The following ANXA6 variants were observed in gnomAD, a reference collection of about 807,000 sequenced individuals.
The protein encoded by ANXA6 is 67 kDa calelectrin.
ANXA6 carries 71 observed loss-of-function variants against 95.4 expected under a neutral mutation model. The ratio of observed to expected loss-of-function variants is 0.74; its 90% confidence interval spans 0.61 to 0.91. ANXA6 has a LOEUF of 0.91. Among genes scored for constraint, ANXA6 ranks in the 40% least tolerant of loss-of-function variants. The pLI, the probability that ANXA6 is intolerant of heterozygous loss-of-function variation, is 0.00. For missense variants in ANXA6, 830 were observed against 876.4 expected (o/e 0.95, Z 0.67); for synonymous variants, 289 against 315.9 (o/e 0.91, Z 0.90).
chr5:151,108,599 G>C, intron 22 of ANXA6, 49 bp from the exon 23 acceptor site: 2 of 1,542,778 alleles, frequency 1.3e-6, no homozygotes, highest in Non-Finnish European at 1.8e-6. Context: ...CAGTGCAGGA[G>C]GCGGAGGACC....
Position 151,112,131 on chromosome 5 carries a change from T to C in ANXA6, c.1573-1487A>G, listed in dbSNP as rs561354944. Among the ~76,000 whole-genome samples the C allele has an allele frequency of 2.0e-5, 3 of 152,114 alleles. No individual in the cohort carries two copies. In the East Asian group the frequency reaches 5.8e-4, roughly 29 times the overall value. On this transcript the variant is annotated intron_variant, in intron 20 of 25. Coordinates refer to ENST00000354546, the MANE Select transcript of ANXA6 (RefSeq NM_001155.5). ...AGAAAAACTGTAAACCATCCTGAGATTGACTTGTTAAACAGGCTATGACTT... is the reference window on the plus strand; with the variant it reads ...AGAAAAACTGTAAACCATCCTGAGACTGACTTGTTAAACAGGCTATGACTT...
chr5:151,148,010 T>C, intron 1 of ANXA6, 84 bp from the exon 2 acceptor site: 1 of 1,355,374 alleles, frequency 7.4e-7, no homozygotes, highest in Non-Finnish European at 1.0e-6. Flanking sequence ...CCCTCTGCTG[T>C]TTTCCAGCTG....
intron 21 of ANXA6, 21 bp downstream of exon 21, chr5:151,110,606 A>G (rs769345239): frequency 8.7e-6 from 14 of 1,612,376 alleles, no homozygotes; most frequent in East Asian, 4.5e-5. Flanking sequence ...TTAAAACCCA[A>G]ATGAAGAACA....
chr5:151,132,650 G>T, intron 9 of ANXA6, 79 bp from the exon 10 acceptor site: 3 of 1,221,220 alleles, frequency 2.5e-6, no homozygotes, highest in South Asian at 2.6e-5. Context: ...AAGAGCAGGG[G>T]GGCACAGTGG....
At chr5:151,140,766 C>T (rs935757421) in intron 2 of ANXA6, among the ~76,000 whole-genome samples, 3 of 152,140 alleles carry the variant, frequency 2.0e-5, no homozygotes, top group Non-Finnish European at 4.4e-5. Flanking sequence ...TTTACACTTT[C>T]ACCTCTGTGA....
At chr5:151,115,462 G>C (rs1302971590) in intron 20 of ANXA6, among the ~76,000 whole-genome samples, 1 of 152,144 alleles carries the variant, frequency 6.6e-6, no homozygotes, top group African/African-American at 2.4e-5. Flanking sequence ...CTTTTGCGAA[G>C]CAGCTGTCAG....
intron 25 of ANXA6, 57 bp downstream of exon 25, chr5:151,103,513 T>C: frequency 5.2e-6 from 8 of 1,550,830 alleles, no homozygotes; most frequent in Non-Finnish European, 7.0e-6. Flanking sequence ...CTTCTAATCT[T>C]ATATTAGGGA....
chr5:151,154,326 T>C (rs1766181334), intron 1 of ANXA6, among the ~76,000 whole-genome samples: 1 of 106,528 alleles, frequency 9.4e-6, no homozygotes, highest in African/African-American at 3.5e-5. Context: ...TATATATATA[T>C]ATATATTGAT....
At chr5:151,125,530 G>A (rs576110974) in intron 14 of ANXA6, among the ~76,000 whole-genome samples, 3 of 152,156 alleles carry the variant, frequency 2.0e-5, no homozygotes, top group East Asian at 1.9e-4. Flanking sequence ...AACTTAAAGC[G>A]AGCTCTCTCA....
At chr5:151,137,133 G>A (rs2113940364) in intron 6 of ANXA6, 98 bp downstream of exon 6, 1 of 996,702 alleles carries the variant, frequency 1.0e-6, no homozygotes, top group Non-Finnish European at 1.5e-6. Flanking sequence ...AGGAAAGGAG[G>A]AGAGAAGGTA....
intron 12 of ANXA6, chr5:151,128,480 T>C: frequency 2.0e-6 from 1 of 488,920 alleles, no homozygotes. Context: ...CAATGGACAA[T>C]TTCAAGTTAC....
intron 25 of ANXA6, 102 bp from the exon 26 acceptor site, chr5:151,101,609 T>C (rs1208773443): frequency 2.0e-6 from 2 of 1,010,872 alleles, no homozygotes; most frequent in Non-Finnish European, 3.1e-6. Flanking sequence ...TCGGCTTCTC[T>C]CCATGACCAA....
intron 1 of ANXA6, 91 bp from the exon 2 acceptor site, chr5:151,148,017 G>A (rs1013926305): frequency 4.7e-6 from 6 of 1,276,526 alleles, no homozygotes; most frequent in Admixed American, 2.0e-5. Flanking sequence ...CTGTTTTCCA[G>A]CTGCCCCCAG....
At chr5:151,147,857 C>T (rs1267752000) in intron 2 of ANXA6, 27 bp downstream of exon 2, 4 of 1,590,634 alleles carry the variant, frequency 2.5e-6, no homozygotes, top group Middle Eastern at 1.7e-4. Context: ...GGCTGAGTAC[C>T]ACCTTCAGGA....
chr5:151,132,689 G>T, intron 9 of ANXA6, 118 bp from the exon 10 acceptor site: 1 of 815,814 alleles, frequency 1.2e-6, no homozygotes. Flanking sequence ...ATGAAGCTAG[G>T]GCTGGTGCTA....
At chr5:151,139,002 C>A (rs780779548) in intron 4 of ANXA6, 9 of 603,824 alleles carry the variant, frequency 1.5e-5, no homozygotes, top group Non-Finnish European at 2.1e-5. Flanking sequence ...TGCTAGCAAA[C>A]GGCTATGCAG....
rs374204547 is a variant in ANXA6, at chr5:151,108,516, G to A, written c.1719C>T (p.Asp573=). ...TCTCCTTCTTGATGGTGTGCTCCAC[G>A]TCATAGTTGGTCATCTTGATGAACT... ...FQEFIKMTNY[D]VEHTIKKEMS... The change falls in exon 23 of 26, where the codon GAC becomes GAT. Residue 573 remains aspartate (D), a synonymous_variant. Coordinates refer to ENST00000354546, the MANE Select transcript of ANXA6 (RefSeq NM_001155.5). The A allele has an allele frequency of 4.4e-5, 71 of 1,613,766 alleles. No homozygotes were observed. Among genetic ancestry groups the A allele is most frequent in the Non-Finnish European group, 5.8e-5 (68 of 1,179,866 alleles).
chr5:151,123,970 C>T (rs781733672), intron 15 of ANXA6, among the ~76,000 whole-genome samples: 22 of 152,200 alleles, frequency 1.4e-4, no homozygotes, highest in Non-Finnish European at 2.9e-4. Flanking sequence ...CAGAGTCACA[C>T]GGTGAGTCAG....
chr5:151,126,505 G>A, intron 13 of ANXA6, 25 bp from the exon 14 acceptor site: 1 of 1,581,634 alleles, frequency 6.3e-7, no homozygotes, highest in Non-Finnish European at 8.6e-7. Flanking sequence ...TTTAGGGAGA[G>A]GACAGGAAGG....
Sources: allele counts gnomAD v4.1 joint callset (sites outside exome capture counted in the v4.1 genomes callset), GRCh38; gene constraint gnomAD v4.1.1; transcripts MANE v1.5; gene names NCBI Gene and HGNC (gene_info 2026-07-23, HGNC 2026-07-21).